PLPPR1: variants seen among roughly 807,000 people sequenced by gnomAD.
The protein encoded by PLPPR1 is phospholipid phosphatase-related protein type 1.
A neutral mutation model predicts 33.1 loss-of-function variants in PLPPR1; 10 were observed. The ratio of observed to expected loss-of-function variants is 0.30; its 90% CI spans 0.19 to 0.51. PLPPR1 has a LOEUF of 0.51. Among genes scored for constraint, PLPPR1 ranks in the 20% least tolerant of loss-of-function variants. PLPPR1 has a pLI of 0.97. For synonymous variants in PLPPR1, 151 were observed against 151.0 expected (o/e 1.00, Z 0.00); for missense variants, 304 against 408.1 (o/e 0.74, Z 2.20).
At chr9:101,173,692 T>C (rs1297543120) in intron 1 of PLPPR1, among the ~76,000 whole-genome samples, 1 of 152,180 alleles carries the variant, frequency 6.6e-6, no homozygotes, top group East Asian at 1.9e-4. Context: ...TCCTAGGGAC[T>C]CTGCTCTTAA....
chr9:101,313,552 G>T lies in PLPPR1; in HGVS notation c.813+578G>T, dbSNP rs535234049. 7.2e-4 allele frequency among the ~76,000 whole-genome samples: 109 copies of T among 152,224 alleles called. 1 individual carries two copies. Among genetic ancestry groups the T allele is most frequent in the African/African-American group, 2.5e-3 (104 of 41,526 alleles). ...TGGGAATCTTACTTCCGCTAAACTGGCTTCTCAACCACCTATCTTCCTGGA... is the reference window on the plus strand; with the variant it reads ...TGGGAATCTTACTTCCGCTAAACTGTCTTCTCAACCACCTATCTTCCTGGA... On this transcript the variant is annotated intron_variant, in intron 6 of 7. Transcript: ENST00000374874.
Position 101,197,160 on chromosome 9 carries a change from A to G in PLPPR1, c.63+11603A>G, listed in dbSNP as rs1588068193. 2.0e-5 allele frequency among the ~76,000 whole-genome samples: 3 copies of G among 152,198 alleles called. No individual in the cohort carries two copies. In the South Asian group the frequency reaches 6.2e-4, roughly 32 times the overall value. On this transcript the variant is annotated intron_variant, in intron 2 of 7. Coordinates refer to ENST00000374874, the MANE Select transcript of PLPPR1 (RefSeq NM_207299.2). Reference sequence around the variant, plus strand: ...CTCTTGCCTTGTTACCCAGAGAACTAGCCACCTTTTTCTTTGTCAATTTTG... The same window carrying G: ...CTCTTGCCTTGTTACCCAGAGAACTGGCCACCTTTTTCTTTGTCAATTTTG...
intron 4 of PLPPR1, among the ~76,000 whole-genome samples, chr9:101,293,288 C>T (rs1253432181): frequency 6.6e-6 from 1 of 151,654 alleles, no homozygotes; most frequent in Admixed American, 6.6e-5. Flanking sequence ...TACAGGACCA[C>T]CCAGATTCAT....
chr9:101,304,182 A>G (rs1038602346), intron 4 of PLPPR1, among the ~76,000 whole-genome samples: 1 of 152,186 alleles, frequency 6.6e-6, no homozygotes, highest in African/African-American at 2.4e-5. Flanking sequence ...GACTTTGTGA[A>G]TTTTATAAAA....
At position 101,288,960 on chromosome 9, in the gene PLPPR1, TA is replaced by T. The variant is rs1029169244; in HGVS notation, c.385+2728del. ...AATATGAGCAAGTCAATTCTCTGCTTAAAACCTTTCAATAGATTTCTAGTGT... is the reference window on the plus strand; with the variant it reads ...AATATGAGCAAGTCAATTCTCTGCTTAAACCTTTCAATAGATTTCTAGTGT... On this transcript the variant is annotated intron_variant, in intron 4 of 7. Transcript: ENST00000374874. Among the ~76,000 whole-genome samples, 20 of 152,198 alleles carry T rather than the reference TA, an allele frequency of 1.3e-4. 1 individual carries two copies. The highest frequency in any genetic ancestry group is 2.4e-5 in the African/African-American group (1 of 41,450).
intron 1 of PLPPR1, among the ~76,000 whole-genome samples, chr9:101,183,691 T>TTGTG (rs66895172): frequency 1.6e-4 from 24 of 150,256 alleles, no homozygotes; most frequent in South Asian, 6.3e-4. Flanking sequence ...TCCCGTCTCT[T>TTGTG]TGTGTGTGTG....
intron 5 of PLPPR1, among the ~76,000 whole-genome samples, chr9:101,311,666 A>T (rs1828958891): frequency 6.6e-6 from 1 of 152,188 alleles, no homozygotes; most frequent in Non-Finnish European, 1.5e-5. Flanking sequence ...TATAGAAGAG[A>T]TTCCTATCTT....
intron 1 of PLPPR1, among the ~76,000 whole-genome samples, chr9:101,090,542 G>T (rs1433798926): frequency 1.3e-5 from 2 of 152,060 alleles, no homozygotes; most frequent in African/African-American, 2.4e-5. Context: ...ACCCCAGTCT[G>T]GCTTCCAGAG....
At chr9:101,226,012 C>T (rs1827059549) in intron 2 of PLPPR1, among the ~76,000 whole-genome samples, 1 of 151,992 alleles carries the variant, frequency 6.6e-6, no homozygotes, top group Non-Finnish European at 1.5e-5. Context: ...GGTCTGACCT[C>T]ATGTCTCCTG....
At chr9:101,048,302 A>C (rs1830178294) in intron 1 of PLPPR1, among the ~76,000 whole-genome samples, 1 of 152,202 alleles carries the variant, frequency 6.6e-6, no homozygotes. Flanking sequence ...CGAGTTTATA[A>C]TTTCACTGGG....
intron 1 of PLPPR1, among the ~76,000 whole-genome samples, chr9:101,146,533 C>G (rs964328394): frequency 2.6e-5 from 4 of 152,192 alleles, no homozygotes; most frequent in Non-Finnish European, 5.9e-5. Context: ...TCCTGTCCTT[C>G]TTTTGGATTA....
chr9:101,275,821 C>G (rs373831003), intron 3 of PLPPR1, among the ~76,000 whole-genome samples: 3 of 152,044 alleles, frequency 2.0e-5, no homozygotes, highest in Admixed American at 6.5e-5. Flanking sequence ...ACTTCCAGCC[C>G]GAGGATTGAA....
At chr9:101,229,537 A>G (rs1827140417) in intron 2 of PLPPR1, among the ~76,000 whole-genome samples, 1 of 152,106 alleles carries the variant, frequency 6.6e-6, no homozygotes, top group Admixed American at 6.6e-5. Context: ...TTTTCTAGGC[A>G]TATTTTATTT....
rs562662866 is a variant in PLPPR1 at position 101,054,561 on chromosome 9, G to A, written c.-46+25459G>A. On this transcript the variant is annotated intron_variant, in intron 1 of 7. Transcript: ENST00000374874. ...CCTTCCTGTCTTCAGCTGTGCTTTG[G>A]ACAAACCCTTCTTTTAGACAGGATT... Among the ~76,000 whole-genome samples, 15 of 152,176 alleles carry A rather than the reference G, an allele frequency of 9.9e-5. No homozygotes were observed. In the South Asian group the frequency reaches 3.1e-3, roughly 32 times the overall value.
At chr9:101,322,744 C>T (rs1265400524) in intron 7 of PLPPR1, among the ~76,000 whole-genome samples, 2 of 152,136 alleles carry the variant, frequency 1.3e-5, no homozygotes, top group African/African-American at 2.4e-5. Context: ...GATGAATCCT[C>T]AGTCACAGGA....
At chr9:101,267,119 C>G (rs762409567) in intron 2 of PLPPR1, among the ~76,000 whole-genome samples, 7 of 152,188 alleles carry the variant, frequency 4.6e-5, no homozygotes. Flanking sequence ...ACAGACGGAA[C>G]TCCAGAGACA....
chr9:101,232,794 C>T (rs1353736881), intron 2 of PLPPR1, among the ~76,000 whole-genome samples: 1 of 151,960 alleles, frequency 6.6e-6, no homozygotes, highest in African/African-American at 2.4e-5. Context: ...CTCTGTGAAC[C>T]TCAGTTTCCT....
chr9:101,287,046 T>C (rs1828405727), intron 4 of PLPPR1, among the ~76,000 whole-genome samples: 1 of 152,202 alleles, frequency 6.6e-6, no homozygotes, highest in Non-Finnish European at 1.5e-5. Flanking sequence ...CCTTAATCTT[T>C]TTTTCCTGTT....
intron 6 of PLPPR1, among the ~76,000 whole-genome samples, chr9:101,313,893 T>G (rs931692893): frequency 1.3e-5 from 2 of 152,210 alleles, no homozygotes; most frequent in African/African-American, 4.8e-5. Context: ...TTCTACGATT[T>G]CATATTAATT....
Sources: gnomAD v4.1 joint callset for allele counts (sites outside exome capture counted in the v4.1 genomes callset) on GRCh38, gnomAD v4.1.1 for gene constraint, MANE v1.5 for transcripts, NCBI Gene and HGNC (gene_info 2026-07-23, HGNC 2026-07-21) for gene names.